Variants in DAB2IP observed in about 807,000 individuals in gnomAD.
DAB2IP encodes DAB2 interacting protein.
Under a neutral mutation model 107.2 loss-of-function variants are expected in DAB2IP, and 28 were observed. The observed-to-expected ratio is 0.26, with a 90% CI of 0.19 to 0.36. The LOEUF (loss-of-function observed/expected upper bound fraction) is 0.36, where lower values mean the gene tolerates loss of function less well. DAB2IP is among the 10% of genes least tolerant of loss of function. The probability of loss-of-function intolerance (pLI) is 1.00; values close to 1 mark genes in which losing one functional copy is unlikely to be tolerated. For synonymous variants in DAB2IP, 755 were observed against 706.4 expected (o/e 1.07, Z -1.09); for missense variants, 1,400 against 1,644.7 (o/e 0.85, Z 2.57).
At chr9:121,685,576 G>A (rs1589514014) in intron 2 of DAB2IP, among the ~76,000 whole-genome samples, 1 of 152,258 alleles carries the variant, frequency 6.6e-6, no homozygotes, top group Non-Finnish European at 1.5e-5. Flanking sequence ...CTGGTGGGTG[G>A]TAGGGGCAGG....
At chr9:121,694,286 CT>C (rs1004346634) in intron 2 of DAB2IP, among the ~76,000 whole-genome samples, 39 of 152,272 alleles carry the variant, frequency 2.6e-4, no homozygotes, top group Admixed American at 2.4e-3. Flanking sequence ...CAGCAGGTGA[CT>C]TAACTTCTCT....
chr9:121,577,516 C>T (rs111962451), intron 1 of DAB2IP, among the ~76,000 whole-genome samples: 7 of 152,340 alleles, frequency 4.6e-5, no homozygotes, highest in African/African-American at 7.2e-5. Context: ...TGAGTGAGCA[C>T]GTGAGGGCGT....
intron 1 of DAB2IP, among the ~76,000 whole-genome samples, chr9:121,569,539 G>C (rs1018339135): frequency 1.3e-5 from 2 of 152,234 alleles, no homozygotes; most frequent in Non-Finnish European, 1.5e-5. Flanking sequence ...AAAACAGAAG[G>C]CTGGGCGCAG....
At chr9:121,777,301 A>G (rs1835274347) in intron 14 of DAB2IP, among the ~76,000 whole-genome samples, 1 of 152,212 alleles carries the variant, frequency 6.6e-6, no homozygotes, top group Non-Finnish European at 1.5e-5. Flanking sequence ...AGCCCTTCCC[A>G]GATTCCTCCT....
intron 1 of DAB2IP, among the ~76,000 whole-genome samples, chr9:121,583,614 C>G: frequency 6.9e-6 from 1 of 144,456 alleles, no homozygotes; most frequent in Non-Finnish European, 1.5e-5. Flanking sequence ...GCAGGCCCCT[C>G]TACAGTTTAG....
intron 13 of DAB2IP, among the ~76,000 whole-genome samples, chr9:121,775,089 A>G (rs1835103327): frequency 6.6e-6 from 1 of 152,204 alleles, no homozygotes; most frequent in East Asian, 1.9e-4. Flanking sequence ...CAAGCCTTCC[A>G]GCTGTGGCAG....
intron 14 of DAB2IP, 82 bp from the exon 15 acceptor site, chr9:121,781,381 CG>C: frequency 7.6e-7 from 1 of 1,322,446 alleles, no homozygotes. Context: ...CTGCTGTGTG[CG>C]GGGGTGATGG....
At chr9:121,607,199 G>A (rs2118966722) in intron 1 of DAB2IP, among the ~76,000 whole-genome samples, 1 of 152,334 alleles carries the variant, frequency 6.6e-6, no homozygotes, top group East Asian at 1.9e-4. Flanking sequence ...ACCTAGTAAA[G>A]ACTCATCTTG....
chr9:121,673,023 T>A (rs1197050153), intron 1 of DAB2IP, among the ~76,000 whole-genome samples: 1 of 152,364 alleles, frequency 6.6e-6, no homozygotes, highest in East Asian at 1.9e-4. Context: ...TCAGGGTCAG[T>A]TCCCTGCCTT....
intron 1 of DAB2IP, among the ~76,000 whole-genome samples, chr9:121,654,819 A>T (rs1395184863): frequency 6.6e-6 from 1 of 151,986 alleles, no homozygotes; most frequent in Non-Finnish European, 1.5e-5. Flanking sequence ...CCTGGATCAG[A>T]CTCTTGCCCC....
At chr9:121,741,266 G>A (rs1238625627) in intron 3 of DAB2IP, among the ~76,000 whole-genome samples, 1 of 152,214 alleles carries the variant, frequency 6.6e-6, no homozygotes, top group East Asian at 1.9e-4. Context: ...TCTGCAACAG[G>A]CGTGTAGGGT....
chr9:121,588,180 G>A (rs1167770512), intron 1 of DAB2IP, among the ~76,000 whole-genome samples: 1 of 151,936 alleles, frequency 6.6e-6, no homozygotes, highest in Admixed American at 6.6e-5. Context: ...GCTGCATAGG[G>A]AAAAAAAGGT....
Position 121,599,179 on chromosome 9 carries a change from G to T in DAB2IP, c.40+31951G>T, listed in dbSNP as rs114180362. On this transcript the variant is annotated intron_variant, in intron 1 of 16. Coordinates refer to the DAB2IP transcript ENST00000259371. The surrounding 1 kb of genome is among the most constrained non-coding windows in gnomAD (Gnocchi z 6.9). ...GTAGGGTGGAAGAGGGATAAGTAAA[G>T]CAAAGTCGCGGCCCACTCCTCGGTC... Among the ~76,000 whole-genome samples the T allele has an allele frequency of 3.7e-3, 560 of 152,274 alleles. 3 individuals are homozygous for T. The highest frequency in any genetic ancestry group is 0.013 in the African/African-American group (537 of 41,568).
At chr9:121,749,004 G>A (rs559694539) in intron 3 of DAB2IP, among the ~76,000 whole-genome samples, 59 of 152,356 alleles carry the variant, frequency 3.9e-4, no homozygotes, top group African/African-American at 1.3e-3. Flanking sequence ...TGGGTTGAGA[G>A]GGACCACGCC....
intron 1 of DAB2IP, among the ~76,000 whole-genome samples, chr9:121,604,890 C>A (rs1051143420): frequency 2.6e-5 from 4 of 152,234 alleles, no homozygotes; most frequent in Non-Finnish European, 5.9e-5. Flanking sequence ...GCCTGCACCC[C>A]CCTCCTCAAC....
chr9:121,593,239 C>G (rs1178743938), intron 1 of DAB2IP, among the ~76,000 whole-genome samples: 1 of 152,018 alleles, frequency 6.6e-6, no homozygotes, highest in East Asian at 1.9e-4. Flanking sequence ...ATGCTCACCA[C>G]TGTGCTTGGC....
At chr9:121,770,449 G>T in intron 10 of DAB2IP, 97 bp from the exon 11 acceptor site, 2 of 1,380,784 alleles carry the variant, frequency 1.4e-6, no homozygotes, top group South Asian at 1.4e-5. Flanking sequence ...ACTTCTGACA[G>T]GCTCCGCAGT....
chr9:121,601,079 C>T (rs779554084), intron 1 of DAB2IP, among the ~76,000 whole-genome samples: 10 of 152,214 alleles, frequency 6.6e-5, no homozygotes, highest in Non-Finnish European at 1.5e-4. Context: ...CAGGTTTAAA[C>T]AGCCTCACAC....
chr9:121,694,787 G>C (rs1268786865), intron 2 of DAB2IP, among the ~76,000 whole-genome samples: 1 of 152,140 alleles, frequency 6.6e-6, no homozygotes, highest in Non-Finnish European at 1.5e-5. Flanking sequence ...AGAGAGGGGC[G>C]GGGGCTACAC....
Sources: gnomAD v4.1 joint callset for allele counts (sites outside exome capture counted in the v4.1 genomes callset) on GRCh38, gnomAD v4.1.1 for gene constraint, Gnocchi (gnomAD v3.1) non-coding constraint, MANE v1.5 for transcripts, NCBI Gene and HGNC (gene_info 2026-07-23, HGNC 2026-07-21) for gene names.